The following KCNH7 variants were observed in gnomAD, a reference collection of about 807,000 sequenced individuals.
The protein encoded by KCNH7 is potassium voltage-gated channel subfamily H member 7, also known as voltage-gated inwardly rectifying potassium channel KCNH7.
In KCNH7, 49 loss-of-function variants were observed where a neutral mutation model predicts 120.8. The observed-to-expected ratio is 0.41, with a 90% CI of 0.32 to 0.51. KCNH7 has a LOEUF of 0.51. KCNH7 is among the 20% of genes least tolerant of loss of function. The probability of loss-of-function intolerance (pLI) is 0.38; values close to 1 mark genes in which losing one functional copy is unlikely to be tolerated. For synonymous variants in KCNH7, 547 were observed against 516.1 expected, an observed-to-expected ratio of 1.06 and a Z score of -0.81; for missense variants, 1,097 against 1,446.6, an observed-to-expected ratio of 0.76 and a Z score of 3.92.
chr2:162,663,353 T>C (rs1685032582), intron 2 of KCNH7, among the ~76,000 whole-genome samples: 3 of 152,238 alleles, frequency 2.0e-5, no homozygotes. Context: ...TGTTATGTTT[T>C]CATCAACATC....
intron 2 of KCNH7, among the ~76,000 whole-genome samples, chr2:162,685,463 A>T (rs543047014): frequency 6.6e-6 from 1 of 151,542 alleles, no homozygotes; most frequent in South Asian, 2.1e-4. Context: ...ATCCCGACTG[A>T]ATATATTCTA....
At chr2:162,536,247 A>G (rs780602961) in intron 3 of KCNH7, among the ~76,000 whole-genome samples, 1 of 151,978 alleles carries the variant, frequency 6.6e-6, no homozygotes, top group Non-Finnish European at 1.5e-5. Context: ...TGCAGCTTAC[A>G]TTATAAATTG....
chr2:162,566,873 G>C (rs1481502857), intron 2 of KCNH7, among the ~76,000 whole-genome samples: 1 of 151,918 alleles, frequency 6.6e-6, no homozygotes, highest in Non-Finnish European at 1.5e-5. Context: ...CACCTGGATG[G>C]GTGATTGTCA....
At chr2:162,458,104 CGTGTGTGTGTGTGTGT>C (rs139079136) in intron 6 of KCNH7, among the ~76,000 whole-genome samples, 1 of 130,888 alleles carries the variant, frequency 7.6e-6, no homozygotes. Context: ...TGGCTATGTG[CGTGTGTGTGTGTGTGT>C]GTGTGTGTGT....
At chr2:162,657,053 C>A (rs535634770) in intron 2 of KCNH7, among the ~76,000 whole-genome samples, 1 of 152,266 alleles carries the variant, frequency 6.6e-6, no homozygotes, top group African/African-American at 2.4e-5. Context: ...AGATTCACAA[C>A]AAAATGGAGC....
chr2:162,472,241 A>G (rs1428151945), intron 6 of KCNH7, among the ~76,000 whole-genome samples: 2 of 152,218 alleles, frequency 1.3e-5, no homozygotes, highest in Admixed American at 6.5e-5. Context: ...GACAAATGGG[A>G]TCTAATTAAA....
At chr2:162,384,103 C>G (rs1429108299) in intron 13 of KCNH7, among the ~76,000 whole-genome samples, 1 of 151,850 alleles carries the variant, frequency 6.6e-6, no homozygotes, top group Non-Finnish European at 1.5e-5. Flanking sequence ...ATCTACTAAT[C>G]AAGCATTATT....
At chr2:162,537,337 G>T (rs370165790) in intron 2 of KCNH7, among the ~76,000 whole-genome samples, 8 of 151,774 alleles carry the variant, frequency 5.3e-5, no homozygotes, top group Non-Finnish European at 2.9e-5. Context: ...AATTCTATTT[G>T]CTTTCACACC....
At chr2:162,642,158 A>T (rs1232940178) in intron 2 of KCNH7, among the ~76,000 whole-genome samples, 1 of 152,154 alleles carries the variant, frequency 6.6e-6, no homozygotes, top group Non-Finnish European at 1.5e-5. Flanking sequence ...TTTTTGCACA[A>T]TTAAATACTT....
intron 15 of KCNH7, 118 bp from the exon 16 acceptor site, chr2:162,372,213 ATAT>A (rs1685976018): frequency 1.2e-6 from 1 of 812,236 alleles, no homozygotes; most frequent in South Asian, 1.9e-5. Flanking sequence ...TTGATTAGTG[ATAT>A]TAGCCAACAT....
intron 2 of KCNH7, among the ~76,000 whole-genome samples, chr2:162,781,242 C>T (rs1198367063): frequency 1.3e-5 from 2 of 151,946 alleles, no homozygotes; most frequent in Non-Finnish European, 2.9e-5. Flanking sequence ...TAGCTCATCT[C>T]ATCCCCATAA....
In KCNH7 at chr2:162,835,139, GATT is replaced by G. The variant is rs1237688225; in HGVS notation, c.307+1395_307+1397del. ...CTATTTCTAGTATGCCAACACTACT[GATT>G]GAAAAGTAAGAGAAACATGGGAAGA... is the stretch of plus-strand genomic sequence containing the variant. On this transcript the variant is annotated intron_variant, in intron 2 of 15. Transcript: ENST00000332142. Among the ~76,000 whole-genome samples the G allele has an allele frequency of 2.6e-5, 4 of 152,152 alleles. No individual in the cohort carries two copies. In the East Asian group the frequency reaches 7.7e-4, roughly 29 times the overall value.
intron 2 of KCNH7, among the ~76,000 whole-genome samples, chr2:162,710,352 AT>A (rs1326723015): frequency 6.6e-6 from 1 of 152,170 alleles, no homozygotes; most frequent in Non-Finnish European, 1.5e-5. Context: ...TATTTTTAGA[AT>A]TTTTTTTAGA....
chr2:162,641,851 C>T (rs1172430560), intron 2 of KCNH7, among the ~76,000 whole-genome samples: 2 of 143,760 alleles, frequency 1.4e-5, no homozygotes, highest in South Asian at 4.2e-4. Context: ...CTTACAACTG[C>T]ATTTTTTTTA....
At chr2:162,787,154 G>T (rs1351557928) in intron 2 of KCNH7, among the ~76,000 whole-genome samples, 1 of 152,010 alleles carries the variant, frequency 6.6e-6, no homozygotes, top group African/African-American at 2.4e-5. Flanking sequence ...TTTCAAGCTG[G>T]CCTGGGCAGT....
intron 2 of KCNH7, among the ~76,000 whole-genome samples, chr2:162,565,513 T>C (rs1465545854): frequency 1.3e-5 from 2 of 152,010 alleles, no homozygotes; most frequent in Non-Finnish European, 2.9e-5. Flanking sequence ...TACTGAATGG[T>C]AAAATAAGAT....
intron 5 of KCNH7, among the ~76,000 whole-genome samples, chr2:162,510,016 C>T (rs535142228): frequency 6.6e-6 from 1 of 151,508 alleles, no homozygotes; most frequent in East Asian, 2.0e-4. Context: ...AATAGAAAAG[C>T]CACCAAGTTG....
chr2:162,560,710 T>C (rs1228859937), intron 2 of KCNH7, among the ~76,000 whole-genome samples: 4 of 152,196 alleles, frequency 2.6e-5, no homozygotes, highest in Non-Finnish European at 4.4e-5. Context: ...GATGCTGAAA[T>C]TGAAGGAGCA....
In KCNH7 at chr2:162,663,730, GATA is replaced by G. The variant is rs558720254; in HGVS notation, c.308-126653_308-126651del. Among the ~76,000 whole-genome samples, 121 of 152,216 alleles carry G rather than the reference GATA, an allele frequency of 7.9e-4. 1 individual carries two copies. The highest frequency in any genetic ancestry group is 3.4e-3 in the Middle Eastern group (1 of 294). On this transcript the variant is annotated intron_variant, in intron 2 of 15. Transcript: ENST00000332142. The stretch of plus-strand genomic sequence containing the variant: ...GAAAATAAGTAGCATCAGACAATAT[GATA>G]ATATTACAGTGATGAAATGGCTTGG...
Sources: allele counts gnomAD v4.1 joint callset (sites outside exome capture counted in the v4.1 genomes callset), GRCh38; gene constraint gnomAD v4.1.1; transcripts MANE v1.5; gene names NCBI Gene and HGNC (gene_info 2026-07-23, HGNC 2026-07-21).